The following SLC35B1 variants were observed in gnomAD, a reference collection of about 807,000 sequenced individuals.
The protein encoded by SLC35B1 is ATP/ADP exchanger ER.
SLC35B1 carries 27 observed loss-of-function variants against 36.6 expected under a neutral mutation model. The ratio of observed to expected loss-of-function variants is 0.74; its 90% confidence interval spans 0.54 to 1.02. The LOEUF (loss-of-function observed/expected upper bound fraction) is 1.02. Among genes scored for constraint, SLC35B1 ranks in the 50% least tolerant of loss-of-function variants. The pLI is 0.00. For missense variants in SLC35B1, 321 were observed against 383.2 expected (o/e 0.84, Z 1.35); for synonymous variants, 162 against 152.5 (o/e 1.06, Z -0.46).
rs114113576 is a variant in SLC35B1, at chr17:49,702,895, G to A, written c.879C>T (p.Ser293=). 153 of 1,614,172 alleles carry A rather than the reference G, an allele frequency of 9.5e-5. No individual in the cohort carries two copies. In the African/African-American group the frequency reaches 1.9e-3, roughly 20 times the overall value. Residue 293 remains serine (S), a synonymous_variant, in exon 8 of 9, where the codon AGC becomes AGT. Coordinates refer to ENST00000240333, the MANE Select transcript of SLC35B1 (RefSeq NM_005827.4). ...ASVILFANPI[S]PMQWVGTVLV... ...GCACAGTGCCCACCCACTGCATGGG[G>A]CTGATGGGATTGGCGAAGAGGATCA...
chr17:49,701,575 TGGG>T, intron 8 of SLC35B1, 65 bp from the exon 9 acceptor site: 2 of 1,402,694 alleles, frequency 1.4e-6, no homozygotes, highest in Non-Finnish European at 2.0e-6. Context: ...ATGATTGTGG[TGGG>T]GTGGGGTAGT....
In SLC35B1 at chr17:49,707,784, C is replaced by T. The variant is rs776470300; in HGVS notation, c.50G>A (p.Cys17Tyr). The T allele has an allele frequency of 1.9e-6, 3 of 1,612,140 alleles. No homozygotes were observed. The highest frequency in any genetic ancestry group is 2.5e-6 in the Non-Finnish European group (3 of 1,179,870). ...ATAGCAGACAAAGACACCCAGGAAG[C>T]AGAGCGGCAGGCGCAGCCGGTCGGG... Reference protein sequence around the residue: ...LVPDRLRLPLCFLGVFVCYFY... With the variant: ...LVPDRLRLPLYFLGVFVCYFY... Residue 17 changes from cysteine to tyrosine, a missense_variant, in exon 1 of 9, where the codon TGC (cysteine) becomes TAC (tyrosine). Transcript: ENST00000240333.
intron 4 of SLC35B1, 72 bp downstream of exon 4, chr17:49,705,794 C>G (rs1173128695): frequency 6.9e-7 from 1 of 1,442,590 alleles, no homozygotes; most frequent in African/African-American, 1.4e-5. Context: ...GAGAGGGACA[C>G]AGTTGTAGCA....
rs145682950 is a variant in SLC35B1, at chr17:49,707,834, G to C, written c.-1C>G. ...GCACCAGGGAGCTGCTAGAGGCCAT[G>C]AGACGCCCAGAGGAGCCGACTGGAG... On this transcript the variant is annotated 5_prime_UTR_variant, in exon 1 of 9. Coordinates refer to ENST00000240333, the MANE Select transcript of SLC35B1 (RefSeq NM_005827.4). 1,565 of 1,611,692 alleles carry C rather than the reference G, an allele frequency of 9.7e-4. 8 individuals carry two copies. In the African/African-American group the frequency reaches 0.018, roughly 19 times the overall value.
chr17:49,701,728 A>G, intron 8 of SLC35B1: 1 of 501,182 alleles, frequency 2.0e-6, no homozygotes, highest in Non-Finnish European at 3.6e-6. Context: ...ATATATCTAT[A>G]TAGAGATACA....
chr17:49,705,440 GA>G, intron 4 of SLC35B1, 159 bp from the exon 5 acceptor site: 2 of 700,244 alleles, frequency 2.9e-6, no homozygotes, highest in South Asian at 2.0e-5. Context: ...CTGGCACCTA[GA>G]TAAGGATTGA....
chr17:49,702,618 GC>G (rs2073365066), intron 8 of SLC35B1: 1 of 429,594 alleles, frequency 2.3e-6, no homozygotes, highest in South Asian at 2.9e-5. Flanking sequence ...TGTAATCCTA[GC>G]TACTCCGGAT....
chr17:49,708,086 T>A (rs1186232233), upstream of SLC35B1: 1 of 762,732 alleles, frequency 1.3e-6, no homozygotes, highest in Non-Finnish European at 2.2e-6. Context: ...CTTGGCTCCA[T>A]CCCTGAGGGC....
Position 49,702,885 on chromosome 17 carries a change from A to C in SLC35B1, c.889T>G (p.Trp297Gly). 6.2e-7 allele frequency: 1 copy of C among 1,614,146 alleles called. No individual in the cohort carries two copies. The highest frequency in any genetic ancestry group is 8.5e-7 in the Non-Finnish European group (1 of 1,180,020). The change falls in exon 8 of 9, where the codon TGG (tryptophan) becomes GGG (glycine). Residue 297 changes from tryptophan (W) to glycine (G), a missense_variant. Coordinates refer to ENST00000240333, the MANE Select transcript of SLC35B1 (RefSeq NM_005827.4). Reference protein sequence around the residue: ...LFANPISPMQWVGTVLVFLGL... With the variant: ...LFANPISPMQGVGTVLVFLGL... ...AGGAACACAAGCACAGTGCCCACCCACTGCATGGGGCTGATGGGATTGGCG... is the reference window on the plus strand; with the variant it reads ...AGGAACACAAGCACAGTGCCCACCCCCTGCATGGGGCTGATGGGATTGGCG...
rs150975640 is a variant in SLC35B1, at chr17:49,701,639, A to G, written c.917-129T>C. 139 of 682,928 alleles carry G rather than the reference A, an allele frequency of 2.0e-4. 4 individuals are homozygous for G. The highest frequency in any genetic ancestry group is 7.9e-4 in the African/African-American group (44 of 56,044). The allele number at this position is 682,928 out of a possible 1,614,324, so 42.3% of individuals were successfully genotyped here. A position where few individuals can be genotyped will look rare whatever the true frequency, so the allele number is the denominator to read the frequency against. On this transcript the variant is annotated intron_variant, in intron 8 of 8. Transcript: ENST00000240333. ...CTTTAAATAAAATACATGTCAGAAC[A>G]CTGGTTTTATGTAACTTCCTCAGAG...
intron 1 of SLC35B1, 80 bp from the exon 2 acceptor site, chr17:49,707,148 A>C (rs2073429453): frequency 7.0e-7 from 1 of 1,422,802 alleles, no homozygotes; most frequent in African/African-American, 1.4e-5. Context: ...CGAGCCACTG[A>C]AAACTTTAAA....
chr17:49,707,751 T>C lies in SLC35B1; in HGVS notation c.83A>G (p.Tyr28Cys), dbSNP rs1204825222. The C allele has an allele frequency of 6.2e-7, 1 of 1,611,450 alleles. No homozygotes were observed. ...FLGVFVCYFY[Y>C]GILQEKITRG... is the part of the protein sequence containing the mutation. ...TCACATCTTTTCCTGCAGGATCCCA[T>C]AGTAAAAATAGCAGACAAAGACACC... The change falls in exon 1 of 9, where the codon TAT (tyrosine) becomes TGT (cysteine). Residue 28 changes from tyrosine to cysteine, a missense_variant. Physicochemically the swap from Tyr to Cys is radical, Grantham distance 194. Transcript: ENST00000240333.
chr17:49,705,143 C>T lies in SLC35B1; in HGVS notation c.509G>A (p.Gly170Asp), dbSNP rs1197984816. Residue 170 changes from glycine to aspartate, a missense_variant, in exon 5 of 9, where the codon GGC becomes GAC. Gly to Asp is a moderately conservative substitution (Grantham distance 94, BLOSUM62 -1). Transcript: ENST00000240333. ...KVVGIEEHTV[G>D]YGELLLLLSL... ...TCATACCAAGAGTAGCTCTCCATAG[C>T]CGACTGTGTGTTCTTCTATCCCAAC... is the stretch of plus-strand genomic sequence containing the variant. 1.2e-6 allele frequency: 2 copies of T among 1,614,138 alleles called. No individual in the cohort carries two copies. Among genetic ancestry groups the T allele is most frequent in the East Asian group, 2.2e-5 (1 of 44,888 alleles).
Position 49,704,231 on chromosome 17 carries a change from G to C in SLC35B1, c.529-5C>G. 1 of 1,612,802 alleles carries C rather than the reference G, an allele frequency of 6.2e-7. No individual in the cohort carries two copies. Among genetic ancestry groups the C allele is most frequent in the South Asian group, 1.1e-5 (1 of 91,034 alleles). ...ATCCAGGGTCAGCGATAATAGCTGG[G>C]AAAGAAAGGGTGCAGCCTGCAGTGA... On this transcript the variant is annotated splice_region_variant and splice_polypyrimidine_tract_variant and intron_variant, in intron 5 of 8. Coordinates refer to ENST00000240333, the MANE Select transcript of SLC35B1 (RefSeq NM_005827.4).
At chr17:49,705,711 C>G (rs2073407287) in intron 4 of SLC35B1, 155 bp downstream of exon 4, 3 of 753,708 alleles carry the variant, frequency 4.0e-6, no homozygotes, top group Middle Eastern at 2.6e-4. Context: ...AGAAGTGACA[C>G]AGATGACAGG....
intron 4 of SLC35B1, 80 bp downstream of exon 4, chr17:49,705,786 G>C (rs1391632973): frequency 1.4e-6 from 2 of 1,387,408 alleles, no homozygotes; most frequent in East Asian, 2.3e-5. Context: ...ATGAAGCCGA[G>C]AGGGACACAG....
chr17:49,704,384 G>C (rs1387569250), intron 5 of SLC35B1, among the ~76,000 whole-genome samples, 158 bp from the exon 6 acceptor site: 1 of 152,164 alleles, frequency 6.6e-6, no homozygotes, highest in African/African-American at 2.4e-5. Flanking sequence ...AAGGTGGGGA[G>C]AGACCATGCT....
At chr17:49,707,327 T>G in intron 1 of SLC35B1, 2 of 1,437,514 alleles carry the variant, frequency 1.4e-6, no homozygotes, top group African/African-American at 2.8e-5. Flanking sequence ...CAGAACGAGA[T>G]AGTGAAATCA....
chr17:49,701,476 A>G lies in SLC35B1; in HGVS notation c.951T>C (p.Ala317=), dbSNP rs2073350276. ...LGLDAKFGKG[A]KKTSH The stretch of plus-strand genomic sequence containing the variant: ...TCTCTTCCTAGTGGGATGTCTTCTT[A>G]GCTCCTTTCCCAAACTTGGCATCAA... Residue 317 remains alanine (A), a synonymous_variant, in exon 9 of 9, where the codon GCT becomes GCC. Coordinates refer to ENST00000240333, the MANE Select transcript of SLC35B1 (RefSeq NM_005827.4). 3.1e-6 allele frequency: 5 copies of G among 1,613,662 alleles called. No homozygotes were observed. Among genetic ancestry groups the G allele is most frequent in the Non-Finnish European group, 4.2e-6 (5 of 1,179,724 alleles).
Sources: gnomAD v4.1 joint callset for allele counts (sites outside exome capture counted in the v4.1 genomes callset) on GRCh38, gnomAD v4.1.1 for gene constraint, MANE v1.5 for transcripts, NCBI Gene and HGNC (gene_info 2026-07-23, HGNC 2026-07-21) for gene names.